The following B3GALT1 variants were observed in gnomAD, a reference collection of about 807,000 sequenced individuals.
B3GALT1 encodes the protein UDP-Gal:betaGlcNAc beta 1,3-galactosyltransferase, polypeptide 1.
In B3GALT1, 10 loss-of-function variants were observed where a neutral mutation model predicts 23.2. The ratio of observed to expected loss-of-function variants is 0.43; its 90% CI spans 0.27 to 0.73. B3GALT1 has a LOEUF of 0.73. Ranked by LOEUF, B3GALT1 falls within the 30% of genes least tolerant of loss-of-function variation. B3GALT1 has a pLI of 0.21. For missense variants in B3GALT1, 299 were observed against 405.4 expected, an observed-to-expected ratio of 0.74 and a Z score of 2.25; for synonymous variants, 156 against 141.5, an observed-to-expected ratio of 1.10 and a Z score of -0.73.
chr2:167,599,888 G>A (rs1684843130), intron 2 of B3GALT1, among the ~76,000 whole-genome samples: 1 of 152,122 alleles, frequency 6.6e-6, no homozygotes, highest in Non-Finnish European at 1.5e-5. Context: ...ACACTTGGTT[G>A]TTGACGATTA....
intron 3 of B3GALT1, among the ~76,000 whole-genome samples, chr2:167,816,731 A>T (rs928276964): frequency 6.6e-6 from 1 of 152,166 alleles, no homozygotes; most frequent in Non-Finnish European, 1.5e-5. Flanking sequence ...TTCAGGTGCT[A>T]TTTTTCCAAT....
intron 3 of B3GALT1, among the ~76,000 whole-genome samples, chr2:167,698,804 A>T (rs1296086128): frequency 2.0e-5 from 3 of 152,182 alleles, no homozygotes; most frequent in African/African-American, 7.2e-5. Context: ...TGGCCTCTGG[A>T]GGTTTGACAT....
At chr2:167,601,507 T>G (rs1482023403) in intron 2 of B3GALT1, among the ~76,000 whole-genome samples, 1 of 152,230 alleles carries the variant, frequency 6.6e-6, no homozygotes, top group Non-Finnish European at 1.5e-5. Context: ...AATATCTCCA[T>G]TACATGTTTT....
intron 2 of B3GALT1, among the ~76,000 whole-genome samples, chr2:167,610,682 T>G (rs1450134611): frequency 6.6e-6 from 1 of 151,954 alleles, no homozygotes; most frequent in Non-Finnish European, 1.5e-5. Flanking sequence ...TTAAGTTTAA[T>G]CCTGGACCAA....
chr2:167,512,552 ATATG>A (rs1700025213), intron 2 of B3GALT1, among the ~76,000 whole-genome samples: 1 of 89,756 alleles, frequency 1.1e-5, no homozygotes, highest in African/African-American at 6.3e-5. Context: ...ATATGTATAT[ATATG>A]TATATATATA....
intron 1 of B3GALT1, among the ~76,000 whole-genome samples, chr2:167,331,405 G>C (rs960772384): frequency 6.6e-6 from 1 of 152,164 alleles, no homozygotes; most frequent in African/African-American, 2.4e-5. Context: ...TTGGGCAGTG[G>C]TCATGGCATG....
chr2:167,547,351 A>G (rs887214820), intron 2 of B3GALT1, among the ~76,000 whole-genome samples: 4 of 152,174 alleles, frequency 2.6e-5, no homozygotes, highest in Non-Finnish European at 5.9e-5. Context: ...GATACCAACA[A>G]AAAAATTACA....
chr2:167,521,985 T>TATATATATATATATATATACAC (rs1553464215), intron 2 of B3GALT1, among the ~76,000 whole-genome samples: 52 of 103,342 alleles, frequency 5.0e-4, no homozygotes, highest in East Asian at 1.7e-3. Flanking sequence ...TGTGTGTGTG[T>TATATATATATATATATATACAC]ATATATATAT....
intron 2 of B3GALT1, among the ~76,000 whole-genome samples, chr2:167,566,845 G>A (rs955729528): frequency 2.0e-5 from 3 of 152,112 alleles, no homozygotes; most frequent in African/African-American, 7.2e-5. Context: ...GGGTTATTGA[G>A]TTTAAATACA....
intron 2 of B3GALT1, among the ~76,000 whole-genome samples, chr2:167,640,656 C>T (rs1305735635): frequency 6.6e-6 from 1 of 151,968 alleles, no homozygotes; most frequent in African/African-American, 2.4e-5. Context: ...TTATTTTACA[C>T]TGAATAGTAT....
intron 1 of B3GALT1, among the ~76,000 whole-genome samples, chr2:167,440,894 G>A (rs543993487): frequency 6.6e-6 from 1 of 151,008 alleles, no homozygotes; most frequent in African/African-American, 2.4e-5. Context: ...TTTCTCTTTA[G>A]CCTTCAATAT....
chr2:167,455,540 A>G (rs963841106), intron 1 of B3GALT1, among the ~76,000 whole-genome samples: 1 of 151,960 alleles, frequency 6.6e-6, no homozygotes, highest in African/African-American at 2.4e-5. Context: ...CTGAGATGGA[A>G]TTTCCCTGTG....
chr2:167,504,903 C>G (rs1374999275), intron 2 of B3GALT1, among the ~76,000 whole-genome samples: 3 of 152,120 alleles, frequency 2.0e-5, no homozygotes, highest in South Asian at 2.1e-4. Flanking sequence ...GATGTTTGCT[C>G]AGTGACAAGA....
At chr2:167,379,176 G>A (rs569327062) in intron 1 of B3GALT1, among the ~76,000 whole-genome samples, 3 of 152,176 alleles carry the variant, frequency 2.0e-5, no homozygotes, top group East Asian at 1.9e-4. Flanking sequence ...GGGGCAGGAA[G>A]GAGAATGAAC....
chr2:167,723,272 T>C (rs1008477499), intron 3 of B3GALT1, among the ~76,000 whole-genome samples: 4 of 152,228 alleles, frequency 2.6e-5, no homozygotes, highest in African/African-American at 9.6e-5. Flanking sequence ...GAATGAATGT[T>C]AGAACTGGTG....
In B3GALT1 at chr2:167,351,404, G is replaced by A. The variant is rs112492941; in HGVS notation, c.-511+58070G>A. On this transcript the variant is annotated intron_variant, in intron 1 of 4. Transcript: ENST00000392690. ...CCATGATATTGCAGATGGTATTCCT[G>A]TAGTTTTTTCTAAACAAAAATGAAA... Among the ~76,000 whole-genome samples, 552 of 152,154 alleles carry A rather than the reference G, an allele frequency of 3.6e-3. 2 individuals are homozygous for A. Among genetic ancestry groups the A allele is most frequent in the African/African-American group, 0.012 (514 of 41,512 alleles).
chr2:167,824,771 G>T (rs1334830318), intron 4 of B3GALT1, among the ~76,000 whole-genome samples: 1 of 152,178 alleles, frequency 6.6e-6, no homozygotes, highest in Non-Finnish European at 1.5e-5. Context: ...AGGTCTTTCC[G>T]ATACAGAGAG....
chr2:167,550,320 C>T (rs897007211), intron 2 of B3GALT1, among the ~76,000 whole-genome samples: 1 of 152,218 alleles, frequency 6.6e-6, no homozygotes, highest in Non-Finnish European at 1.5e-5. Context: ...TTAAAGGATA[C>T]ACTCTAGACT....
At chr2:167,486,652 A>T (rs977794204) in intron 1 of B3GALT1, among the ~76,000 whole-genome samples, 1 of 152,064 alleles carries the variant, frequency 6.6e-6, no homozygotes, top group Admixed American at 6.5e-5. Context: ...CGGGAGGCGA[A>T]GGTTGCAGTG....
Sources: gnomAD v4.1 joint callset for allele counts (sites outside exome capture counted in the v4.1 genomes callset) on GRCh38, gnomAD v4.1.1 for gene constraint, MANE v1.5 for transcripts, NCBI Gene and HGNC (gene_info 2026-07-23, HGNC 2026-07-21) for gene names.